Variants in MKI67 observed in about 807,000 individuals in gnomAD.
The protein encoded by MKI67 is marker of proliferation Ki-67, also known as proliferation marker protein Ki-67.
A neutral mutation model predicts 233.5 loss-of-function variants in MKI67; 152 were observed. The observed-to-expected ratio is 0.65, with a 90% CI of 0.57 to 0.74. MKI67 has a LOEUF of 0.74. MKI67 is among the 30% of genes least tolerant of loss of function. MKI67 has a pLI of 0.00. For missense variants in MKI67, 3,940 were observed against 3,885.2 expected (o/e 1.01, Z -0.37); for synonymous variants, 1,465 against 1,418.5 (o/e 1.03, Z -0.74).
In MKI67 at chr10:128,106,305, A is replaced by G. The variant is rs557243715; in HGVS notation, c.5535T>C (p.Asp1845=). 8.1e-6 allele frequency: 13 copies of G among 1,613,368 alleles called. No homozygotes were observed. In the South Asian group the frequency reaches 1.3e-4, roughly 16 times the overall value. The change falls in exon 13 of 15, where the codon GAT becomes GAC. Residue 1845 remains aspartate (D), a synonymous_variant. Transcript: ENST00000368654. ...TAGTTTTCTCATCAGTCGTGGGGTT[A>G]TCAGTGCATGGTGTCTGGAAAAGCT... The part of the protein sequence containing the change: ...FRELFQTPCT[D]NPTTDEKTTK...
Position 128,107,202 on chromosome 10 carries a change from A to G in MKI67, c.4638T>C (p.Ser1546=), listed in dbSNP as rs1461501217. The G allele has an allele frequency of 1.2e-6, 2 of 1,613,938 alleles. No individual in the cohort carries two copies. The highest frequency in any genetic ancestry group is 2.2e-5 in the East Asian group (1 of 44,846). Residue 1546 remains serine, a synonymous_variant, in exon 13 of 15, where the codon AGT becomes AGC. Transcript: ENST00000368654. ...TAAATGCGTAGATGTTTTTCTCACC[A>G]CTTACTGCTGGTTTGGGTGTGTGCA... is the stretch of plus-strand genomic sequence containing the variant. ...KAMHTPKPAV[S]GEKNIYAFMG...
intron 8 of MKI67, 27 bp from the exon 9 acceptor site, chr10:128,112,472 A>G (rs1852703317): frequency 6.2e-7 from 1 of 1,600,664 alleles, no homozygotes; most frequent in African/African-American, 1.3e-5. Flanking sequence ...GTTTACAAGA[A>G]GCCTTAACAA....
chr10:128,124,800 G>T (rs1853020442), intron 2 of MKI67, among the ~76,000 whole-genome samples: 1 of 152,162 alleles, frequency 6.6e-6, no homozygotes, highest in Admixed American at 6.5e-5. Flanking sequence ...CTTGAGGAAG[G>T]GGAGAACTTT....
Position 128,109,155 on chromosome 10 carries a change from T to C in MKI67, c.2685A>G (p.Glu895=). ...TGCACTCAACAATTTCTGTATTTGT[T>C]TCTTCACTCTTACTTTCCACAGGTA... The part of the protein sequence containing the change: ...QKLPVESKSE[E]TNTEIVECIL... Residue 895 remains glutamate, a synonymous_variant, in exon 13 of 15, where the codon GAA becomes GAG. Transcript: ENST00000368654. 6.2e-7 allele frequency: 1 copy of C among 1,614,244 alleles called. No individual in the cohort carries two copies. The highest frequency in any genetic ancestry group is 8.5e-7 in the Non-Finnish European group (1 of 1,180,042).
At position 128,104,147 on chromosome 10, in the gene MKI67, G is replaced by A. The variant is rs79617646; in HGVS notation, c.7693C>T (p.Leu2565Phe). ...ALEDLVDFKE[L>F]FSAPGHTEES... ...TCAGTGTGACCTGGTGCTGAGAAGA[G>A]CTCTTTGAAGTCAACCAGGTCTTCT... The change falls in exon 13 of 15, where the codon CTC becomes TTC. Residue 2565 changes from leucine to phenylalanine, a missense_variant. Transcript: ENST00000368654. 2,122 of 1,614,114 alleles carry A rather than the reference G, an allele frequency of 1.3e-3. 32 individuals carry two copies. In the African/African-American group the frequency reaches 0.024, roughly 19 times the overall value.
At position 128,108,296 on chromosome 10, in the gene MKI67, C is replaced by G. The variant is rs1410945711; in HGVS notation, c.3544G>C (p.Gly1182Arg). Reference sequence around the variant, plus strand: ...AATGCTTTAATGTCTTTCTCATCACCTCCTGCTGGTTTGGGCGTAAGCATG... The same window carrying G: ...AATGCTTTAATGTCTTTCTCATCACGTCCTGCTGGTTTGGGCGTAAGCATG... The part of the protein sequence containing the change: ...KAMLTPKPAG[G>R]DEKDIKAFMG... Residue 1182 changes from glycine (G) to arginine (R), a missense_variant, in exon 13 of 15, where the codon GGT becomes CGT. Coordinates refer to ENST00000368654, the MANE Select transcript of MKI67 (RefSeq NM_002417.5). 1.9e-6 allele frequency: 3 copies of G among 1,613,934 alleles called. No individual in the cohort carries two copies. In the Admixed American group the frequency reaches 5.0e-5, roughly 27 times the overall value.
chr10:128,104,769 C>T lies in MKI67; in HGVS notation c.7071G>A (p.Lys2357=), dbSNP rs1459384612. ...TCCTGAGGTTTCTCTTGGGCCGTTGCTTTGTGCTTGCTGGGGTGTCCACTG... is the reference window on the plus strand; with the variant it reads ...TCCTGAGGTTTCTCTTGGGCCGTTGTTTTGTGCTTGCTGGGGTGTCCACTG... ...PDPVDTPAST[K]QRPKRNLRKA... Residue 2357 remains lysine (K), a synonymous_variant, in exon 13 of 15, where the codon AAG becomes AAA. Transcript: ENST00000368654. 1 of 1,613,072 alleles carries T rather than the reference C, an allele frequency of 6.2e-7. No homozygotes were observed. The highest frequency in any genetic ancestry group is 8.5e-7 in the Non-Finnish European group (1 of 1,179,898).
rs774571076 is a variant in MKI67, at chr10:128,105,138, G to C, written c.6702C>G (p.Ile2234Met). Residue 2234 changes from isoleucine (I) to methionine (M), a missense_variant, in exon 13 of 15, where the codon ATC becomes ATG. Coordinates refer to ENST00000368654, the MANE Select transcript of MKI67 (RefSeq NM_002417.5). ...PQPDPVGTPT[I>M]FKPQSKRSLR... The stretch of plus-strand genomic sequence containing the variant: ...GACTTCTCTTGGACTGTGGCTTGAA[G>C]ATTGTTGGGGTACCCACTGGGTCTG... The C allele has an allele frequency of 5.0e-6, 8 of 1,613,510 alleles. No individual in the cohort carries two copies. The highest frequency in any genetic ancestry group is 6.8e-6 in the Non-Finnish European group (8 of 1,179,968).
At chr10:128,122,143 A>G (rs1321251749) in intron 4 of MKI67, among the ~76,000 whole-genome samples, 3 of 152,172 alleles carry the variant, frequency 2.0e-5, no homozygotes, top group Non-Finnish European at 2.9e-5. Flanking sequence ...ATAAAGTCCC[A>G]CAGACTGAAT....
Position 128,108,757 on chromosome 10 carries a change from G to C in MKI67, c.3083C>G (p.Ser1028Cys), listed in dbSNP as rs1294433137. The change falls in exon 13 of 15, where the codon TCC (serine) becomes TGC (cysteine). Residue 1028 changes from serine to cysteine, a missense_variant. Ser to Cys is a moderately radical substitution (Grantham distance 112). Transcript: ENST00000368654. ...PTHTKQQLKA[S>C]LGKVGVKEEL... ...TTCTTTCACACCTACTTTCCCCAGG[G>C]ATGCCTTCAACTGTTGTTTTGTGTG... is the stretch of plus-strand genomic sequence containing the variant. The C allele has an allele frequency of 6.2e-7, 1 of 1,614,192 alleles. No individual in the cohort carries two copies. Among genetic ancestry groups the C allele is most frequent in the Non-Finnish European group, 8.5e-7 (1 of 1,180,040 alleles).
Position 128,115,174 on chromosome 10 carries a change from CAG to C in MKI67, c.1232_1233del (p.Ser411CysfsTer3), listed in dbSNP as rs1565011888. The C allele has an allele frequency of 1.2e-6, 2 of 1,614,196 alleles. No homozygotes were observed. Among genetic ancestry groups the C allele is most frequent in the East Asian group, 4.5e-5 (2 of 44,882 alleles). ...TPAKVEDAAD[S>X]ATKPENLSSK... ...GAAGAGAGATTTTCTGGCTTAGTGGCAGAGTCAGCTGCATCTTCAACTTTAGC... is the reference window on the plus strand; with the variant it reads ...GAAGAGAGATTTTCTGGCTTAGTGGCAGTCAGCTGCATCTTCAACTTTAGC... On this transcript the variant is annotated frameshift_variant, in exon 7 of 15. Transcript: ENST00000368654. LOFTEE classifies it high-confidence loss of function.
In MKI67 at chr10:128,117,975, C is replaced by G. The variant is rs530949369; in HGVS notation, c.354+1278G>C. Among the ~76,000 whole-genome samples, 322 of 152,300 alleles carry G rather than the reference C, an allele frequency of 2.1e-3. 1 individual carries two copies. Among genetic ancestry groups the G allele is most frequent in the African/African-American group, 7.3e-3 (304 of 41,546 alleles). On this transcript the variant is annotated intron_variant, in intron 5 of 14. Transcript: ENST00000368654. ...CAACTGGCTTTTTGGTTTATTTACTCCCATAGACTAGCAAGTTGCCTGGTG... is the reference window on the plus strand; with the variant it reads ...CAACTGGCTTTTTGGTTTATTTACTGCCATAGACTAGCAAGTTGCCTGGTG...
At position 128,108,458 on chromosome 10, in the gene MKI67, C is replaced by A. The variant is rs754381875; in HGVS notation, c.3382G>T (p.Ala1128Ser). ...GATTCTGGTGGTGGAGATTTGCAGG[C>A]TATTTTGGTAGTTTTCTCATCAGTC... ...SMTDEKTTKI[A>S]CKSPPPESVD... is the part of the protein sequence containing the mutation. Residue 1128 changes from alanine (A) to serine (S), a missense_variant, in exon 13 of 15, where the codon GCC (alanine) becomes TCC (serine). By Grantham distance (99) the Ala-to-Ser change is moderately conservative. Transcript: ENST00000368654. The A allele has an allele frequency of 1.6e-5, 26 of 1,613,354 alleles. No homozygotes were observed. In the Admixed American group the frequency reaches 4.3e-4, roughly 27 times the overall value.
chr10:128,116,166 T>G (rs1287515444), intron 6 of MKI67, among the ~76,000 whole-genome samples, 159 bp from the exon 7 acceptor site: 2 of 152,272 alleles, frequency 1.3e-5, no homozygotes, highest in Non-Finnish European at 2.9e-5. Context: ...AGTCTTATGA[T>G]ACTAGTATTA....
Position 128,103,349 on chromosome 10 carries a change from G to T in MKI67, c.8491C>A (p.Leu2831Ile), listed in dbSNP as rs1474131117. Residue 2831 changes from leucine (L) to isoleucine (I), a missense_variant, in exon 13 of 15, where the codon CTA (leucine) becomes ATA (isoleucine). Transcript: ENST00000368654. ...TTTGAGCTTGTTGCGGTGTCTTCTA[G>T]TTCTGGTGATGATTTGCAGGGTATT... ...TKIPCKSSPE[L>I]EDTATSSKRR... 5.6e-6 allele frequency: 9 copies of T among 1,614,086 alleles called. No homozygotes were observed. Among genetic ancestry groups the T allele is most frequent in the Non-Finnish European group, 7.6e-6 (9 of 1,180,018 alleles).
At position 128,115,252 on chromosome 10, in the gene MKI67, C is replaced by A. The variant is rs749123574; in HGVS notation, c.1156G>T (p.Gly386Cys). 3.7e-6 allele frequency: 6 copies of A among 1,614,232 alleles called. No homozygotes were observed. The Admixed American group carries it at 1.0e-4, about 27-fold the overall frequency. The part of the protein sequence containing the change: ...NLGKSEGFKA[G>C]DKTLTPRKLS... Reference sequence around the variant, plus strand: ...TTCCTGGGAGTAAGAGTTTTATCACCAGCCTTGAAGCCTTCACTTTTACCC... The same window carrying A: ...TTCCTGGGAGTAAGAGTTTTATCACAAGCCTTGAAGCCTTCACTTTTACCC... Residue 386 changes from glycine (G) to cysteine (C), a missense_variant, in exon 7 of 15, where the codon GGT (glycine) becomes TGT (cysteine). Physicochemically the swap from Gly to Cys is radical, Grantham distance 159. Transcript: ENST00000368654.
rs1852527450 is a variant in MKI67 at position 128,107,310 on chromosome 10, C to A, written c.4530G>T (p.Gln1510His). 6.2e-7 allele frequency: 1 copy of A among 1,613,986 alleles called. No homozygotes were observed. The highest frequency in any genetic ancestry group is 1.7e-5 in the Admixed American group (1 of 59,994). The change falls in exon 13 of 15, where the codon CAG becomes CAT. Residue 1510 changes from glutamine to histidine, a missense_variant. Transcript: ENST00000368654. ...PVDTPTSSKP[Q>H]SKRSLRKVDV... is the part of the protein sequence containing the mutation. The stretch of plus-strand genomic sequence containing the variant: ...CCACTTTCCTGAGACTTCTCTTGGA[C>A]TGTGGCTTGGAGCTTGTTGGTGTGT...
chr10:128,114,414 T>A (rs761404287), intron 7 of MKI67, among the ~76,000 whole-genome samples: 2 of 152,208 alleles, frequency 1.3e-5, no homozygotes, highest in Non-Finnish European at 2.9e-5. Context: ...AAGGATCAAG[T>A]GTTCATGTGG....
rs142618515 is a variant in MKI67, at chr10:128,106,777, G to A, written c.5063C>T (p.Ala1688Val). 6.1e-5 allele frequency: 99 copies of A among 1,613,308 alleles called. No homozygotes were observed. In the African/African-American group the frequency reaches 1.1e-3, roughly 18 times the overall value. Residue 1688 changes from alanine (A) to valine (V), a missense_variant, in exon 13 of 15, where the codon GCA becomes GTA. Ala to Val is a moderately conservative substitution (Grantham distance 64). Transcript: ENST00000368654. ...ESPKQILDSA[A>V]SLTGSKRQLR... ...CTGCCTCTTGCTGCCAGTTAGACTT[G>A]CTGCTGAGTCTAAGATCTGCTTTGG...
Sources: gnomAD v4.1 joint callset for allele counts (sites outside exome capture counted in the v4.1 genomes callset) on GRCh38, gnomAD v4.1.1 for gene constraint, MANE v1.5 for transcripts, NCBI Gene and HGNC (gene_info 2026-07-23, HGNC 2026-07-21) for gene names.